Variants in CARS1 observed in about 807,000 individuals in gnomAD.
The protein encoded by CARS1 is cysteine--tRNA ligase, cytoplasmic.
In CARS1, 48 loss-of-function variants were observed where a neutral mutation model predicts 106.2. The ratio of observed to expected loss-of-function variants is 0.45; its 90% CI spans 0.36 to 0.57. The LOEUF is 0.57. Among genes scored for constraint, CARS1 ranks in the 20% least tolerant of loss-of-function variants. CARS1 has a pLI of 0.00. For missense variants in CARS1, 968 were observed against 1,057.2 expected (o/e 0.92, Z 1.17); for synonymous variants, 409 against 403.4 (o/e 1.01, Z -0.17).
chr11:3,047,867 G>A lies in CARS1; in HGVS notation c.160C>T (p.Leu54Phe), dbSNP rs373537547. ...SQADVDAFRQ[L>F]SAPPADPQLF... ...TGGGGGTCAGCGGGCGGGGCCGAGA[G>A]CTGCCTGAACGCGTCCACGTCTGCC... is the stretch of plus-strand genomic sequence containing the variant. The change falls in exon 2 of 23, where the codon CTC (leucine) becomes TTC (phenylalanine). Residue 54 changes from leucine (L) to phenylalanine (F), a missense_variant. Coordinates refer to ENST00000380525, the MANE Select transcript of CARS1 (RefSeq NM_001014437.3). 5.0e-6 allele frequency: 8 copies of A among 1,614,034 alleles called. No homozygotes were observed. Among genetic ancestry groups the A allele is most frequent in the East Asian group, 2.2e-5 (1 of 44,890 alleles).
chr11:3,056,179 T>C (rs1856182653), intron 1 of CARS1, among the ~76,000 whole-genome samples: 1 of 152,178 alleles, frequency 6.6e-6, no homozygotes, highest in Non-Finnish European at 1.5e-5. Flanking sequence ...ACTACCTATC[T>C]ATAACCCAAT....
rs1480425968 is a variant in CARS1 at position 3,046,257 on chromosome 11, G to C, written c.274+1496C>G. 6.6e-6 allele frequency among the ~76,000 whole-genome samples: 1 copy of C among 152,146 alleles called. No homozygotes were observed. Among genetic ancestry groups the C allele is most frequent in the Non-Finnish European group, 1.5e-5 (1 of 68,042 alleles). The stretch of plus-strand genomic sequence containing the variant: ...TGCGTCTGTGCCGCTCTTTCAACAA[G>C]TCCCTATGAGGGAAGCCTGGACAGG... On this transcript the variant is annotated intron_variant, in intron 2 of 22. Transcript: ENST00000380525. This position sits in a 1 kb window ranked among gnomAD's most constrained non-coding sequence, Gnocchi z 5.8.
chr11:3,046,699 C>T lies in CARS1; in HGVS notation c.274+1054G>A, dbSNP rs1855122490. On this transcript the variant is annotated intron_variant, in intron 2 of 22. Transcript: ENST00000380525. This position sits in a 1 kb window ranked among gnomAD's most constrained non-coding sequence, Gnocchi z 5.8. Reference sequence around the variant, plus strand: ...GAAGCCCCCAGAAGGCTGCCAGCTACAGCCAGGACCACCAGAAAACAGCAC... The same window carrying T: ...GAAGCCCCCAGAAGGCTGCCAGCTATAGCCAGGACCACCAGAAAACAGCAC... Among the ~76,000 whole-genome samples, 1 of 152,178 alleles carries T rather than the reference C, an allele frequency of 6.6e-6. No individual in the cohort carries two copies. Among genetic ancestry groups the T allele is most frequent in the Non-Finnish European group, 1.5e-5 (1 of 68,038 alleles).
chr11:3,021,619 T>TA lies in CARS1; in HGVS notation c.1154-1288dup, dbSNP rs1193008177. On this transcript the variant is annotated intron_variant, in intron 10 of 22. Coordinates refer to ENST00000380525, the MANE Select transcript of CARS1 (RefSeq NM_001014437.3). This position sits in a 1 kb window ranked among gnomAD's most constrained non-coding sequence, Gnocchi z 5.3. The stretch of plus-strand genomic sequence containing the variant: ...TACTAAATGTAGAATATTTGAAAGA[T>TA]AAAAAAAGAAAACTAGGAAAAAAAT... Among the ~76,000 whole-genome samples, 4 of 152,216 alleles carry TA rather than the reference T, an allele frequency of 2.6e-5. No individual in the cohort carries two copies. The East Asian group carries it at 7.7e-4, about 29-fold the overall frequency.
In CARS1 at chr11:3,028,725, C is replaced by A; in HGVS notation, c.1031+271G>T. Reference sequence around the variant, plus strand: ...TATTCGCACTCACCATTATGCAGCTCTGGGGCCCCATGACTGATGGTCTTG... The same window carrying A: ...TATTCGCACTCACCATTATGCAGCTATGGGGCCCCATGACTGATGGTCTTG... On this transcript the variant is annotated intron_variant, in intron 9 of 22. Coordinates refer to ENST00000380525, the MANE Select transcript of CARS1 (RefSeq NM_001014437.3). The surrounding 1 kb of genome is among the most constrained non-coding windows in gnomAD (Gnocchi z 4.4). 7.9e-6 allele frequency: 4 copies of A among 507,980 alleles called. No individual in the cohort carries two copies. The South Asian group carries it at 9.7e-5, about 12-fold the overall frequency. The allele number at this position is 507,980 out of a possible 1,614,324, so 31.5% of individuals were successfully genotyped here.
In CARS1 at chr11:3,019,813, G is replaced by A. The variant is rs559266133; in HGVS notation, c.1266+407C>T. 6.6e-6 allele frequency among the ~76,000 whole-genome samples: 1 copy of A among 152,154 alleles called. No homozygotes were observed. The highest frequency in any genetic ancestry group is 1.9e-4 in the East Asian group (1 of 5,180). On this transcript the variant is annotated intron_variant, in intron 11 of 22. Transcript: ENST00000380525. This position sits in a 1 kb window ranked among gnomAD's most constrained non-coding sequence, Gnocchi z 6.2. ...GTTACTGAATTACATCCAGACCTCT[G>A]AGCCCTTGACAGCTGCAGATGGTCA...
At position 3,008,590 on chromosome 11, in the gene CARS1, G is replaced by C. The variant is rs1850131623; in HGVS notation, c.2069-1631C>G. The C allele has an allele frequency of 6.7e-6, 1 of 148,458 alleles. No homozygotes were observed. The allele number at this position is 148,458 out of a possible 1,614,324, so 9.2% of individuals were successfully genotyped here. ...GCCAAGATGACACCACTGCACTCCA[G>C]CCTAGCGACAGGGCAAGACTCCATC... is the stretch of plus-strand genomic sequence containing the variant. On this transcript the variant is annotated intron_variant, in intron 18 of 22. Coordinates refer to ENST00000380525, the MANE Select transcript of CARS1 (RefSeq NM_001014437.3). The surrounding 1 kb of genome is among the most constrained non-coding windows in gnomAD (Gnocchi z 5.1).
intron 18 of CARS1, among the ~76,000 whole-genome samples, chr11:3,010,121 G>T (rs892121870): frequency 1.3e-5 from 2 of 152,212 alleles, no homozygotes; most frequent in Admixed American, 6.5e-5. Context: ...AAGCAAAACC[G>T]AACTACTTCC....
In CARS1 at chr11:3,052,495, ATTAATT is replaced by A. The variant is rs1855799785; in HGVS notation, c.26-4500_26-4495del. Among the ~76,000 whole-genome samples, 1 of 152,140 alleles carries A rather than the reference ATTAATT, an allele frequency of 6.6e-6. No individual in the cohort carries two copies. The highest frequency in any genetic ancestry group is 6.5e-5 in the Admixed American group (1 of 15,272). On this transcript the variant is annotated intron_variant, in intron 1 of 22. Coordinates refer to ENST00000380525, the MANE Select transcript of CARS1 (RefSeq NM_001014437.3). The surrounding 1 kb of genome is among the most constrained non-coding windows in gnomAD (Gnocchi z 4.6). ...GGGCTCACACACCCATTTTTATTTA[ATTAATT>A]TTATTATTTTAAAAGTTTATTACCA...
chr11:3,016,824 G>A (rs1001789168), intron 16 of CARS1, among the ~76,000 whole-genome samples: 1 of 152,148 alleles, frequency 6.6e-6, no homozygotes, highest in East Asian at 1.9e-4. Flanking sequence ...ATGTTGTCCA[G>A]GCTGGTTTTG....
Position 3,017,074 on chromosome 11 carries a change from T to G in CARS1, c.1917+32A>C. 6.3e-7 allele frequency: 1 copy of G among 1,590,744 alleles called. No homozygotes were observed. The highest frequency in any genetic ancestry group is 8.6e-7 in the Non-Finnish European group (1 of 1,162,718). On this transcript the variant is annotated intron_variant, in intron 16 of 22. Transcript: ENST00000380525. The surrounding 1 kb of genome is among the most constrained non-coding windows in gnomAD (Gnocchi z 4.9). ...GCCTGGCTCCTGTGTCCACACAGGC[T>G]GAGGGATACGCCTGCCTGGGGCCTG...
In CARS1 at chr11:3,038,119, A is replaced by T; in HGVS notation, c.732T>A (p.Leu244=). The T allele has an allele frequency of 6.2e-7, 1 of 1,614,206 alleles. No homozygotes were observed. The highest frequency in any genetic ancestry group is 8.5e-7 in the Non-Finnish European group (1 of 1,180,010). ...MLERIQHAVQ[L]ATEPLEKAVQ... is the part of the protein sequence containing the mutation. Reference sequence around the variant, plus strand: ...CAGCTTTCTCAAGTGGCTCTGTGGCAAGCTGCACTGCGTGCTGAATCCGTT... The same window carrying T: ...CAGCTTTCTCAAGTGGCTCTGTGGCTAGCTGCACTGCGTGCTGAATCCGTT... The change falls in exon 7 of 23, where the codon CTT becomes CTA. Residue 244 remains leucine (L), a synonymous_variant. Coordinates refer to ENST00000380525, the MANE Select transcript of CARS1 (RefSeq NM_001014437.3). The surrounding 1 kb of genome is among the most constrained non-coding windows in gnomAD (Gnocchi z 4.0).
intron 12 of CARS1, 65 bp from the exon 13 acceptor site, chr11:3,018,814 C>T: frequency 6.4e-7 from 1 of 1,564,792 alleles, no homozygotes; most frequent in South Asian, 1.2e-5. Flanking sequence ...CTGCCACCTG[C>T]ACTGTCTGCT....
rs1855027047 is a variant in CARS1 at position 3,045,872 on chromosome 11, G to C, written c.274+1881C>G. On this transcript the variant is annotated intron_variant, in intron 2 of 22. Transcript: ENST00000380525. The surrounding 1 kb of genome is among the most constrained non-coding windows in gnomAD (Gnocchi z 5.6). ...CAGCTACTGTCATCCCAGGGACATG[G>C]GCGAGGACACTACACTGGACTCCAT... 6.6e-6 allele frequency among the ~76,000 whole-genome samples: 1 copy of C among 152,188 alleles called. No individual in the cohort carries two copies. The highest frequency in any genetic ancestry group is 1.5e-5 in the Non-Finnish European group (1 of 68,022).
rs1855356980 is a variant in CARS1, at chr11:3,048,673, T to C, written c.26-672A>G. Among the ~76,000 whole-genome samples, 1 of 152,110 alleles carries C rather than the reference T, an allele frequency of 6.6e-6. No homozygotes were observed. The highest frequency in any genetic ancestry group is 1.5e-5 in the Non-Finnish European group (1 of 68,008). On this transcript the variant is annotated intron_variant, in intron 1 of 22. Coordinates refer to ENST00000380525, the MANE Select transcript of CARS1 (RefSeq NM_001014437.3). This position sits in a 1 kb window ranked among gnomAD's most constrained non-coding sequence, Gnocchi z 5.1. ...AACCCCACATTGACAATGTGTGCCA[T>C]TTACACCCCTGCACCAAGAGACAGC...
rs1410431813 is a variant in CARS1, at chr11:3,048,826, C to T, written c.26-825G>A. Among the ~76,000 whole-genome samples the T allele has an allele frequency of 6.6e-6, 1 of 152,206 alleles. No homozygotes were observed. Among genetic ancestry groups the T allele is most frequent in the Non-Finnish European group, 1.5e-5 (1 of 68,036 alleles). On this transcript the variant is annotated intron_variant, in intron 1 of 22. Transcript: ENST00000380525. The surrounding 1 kb of genome is among the most constrained non-coding windows in gnomAD (Gnocchi z 5.1). The stretch of plus-strand genomic sequence containing the variant: ...GGCTGCTCCAGCCAGCCTCACCTGG[C>T]CCCTGGCCCCTGGCCCCAGGCCCCA...
In CARS1 at chr11:3,021,055, C is replaced by T. The variant is rs1190911546; in HGVS notation, c.1154-723G>A. ...CCTTGCCAGAGGGATGAGAAATAAC[C>T]CCTTGGTGAATTCCATGCATTGACT... On this transcript the variant is annotated intron_variant, in intron 10 of 22. Coordinates refer to ENST00000380525, the MANE Select transcript of CARS1 (RefSeq NM_001014437.3). The surrounding 1 kb of genome is among the most constrained non-coding windows in gnomAD (Gnocchi z 5.3). 1.3e-5 allele frequency among the ~76,000 whole-genome samples: 2 copies of T among 152,112 alleles called. No individual in the cohort carries two copies. Among genetic ancestry groups the T allele is most frequent in the Admixed American group, 6.5e-5 (1 of 15,274 alleles).
chr11:3,002,491 G>A (rs374179132), intron 21 of CARS1, 50 bp downstream of exon 21: 6 of 1,609,188 alleles, frequency 3.7e-6, no homozygotes, highest in Non-Finnish European at 5.1e-6. Flanking sequence ...CATGGGGTCA[G>A]GGTGCACTCC....
Position 3,020,241 on chromosome 11 carries a change from G to A in CARS1, c.1245C>T (p.Ser415=). ...TCACCTTTCCCCAAGGGCACGGCCA[G>A]GACGGTTCTCCGGGCTTAGAGGCCT... ...LWKASKPGEP[S]WPCPWGKGRP... Residue 415 remains serine (S), a synonymous_variant, in exon 11 of 23, where the codon TCC becomes TCT. Transcript: ENST00000380525. This position sits in a 1 kb window ranked among gnomAD's most constrained non-coding sequence, Gnocchi z 4.6. 1 of 1,610,922 alleles carries A rather than the reference G, an allele frequency of 6.2e-7. No homozygotes were observed. Among genetic ancestry groups the A allele is most frequent in the East Asian group, 2.2e-5 (1 of 44,864 alleles).
Sources: gnomAD v4.1 joint callset for allele counts (sites outside exome capture counted in the v4.1 genomes callset) on GRCh38, gnomAD v4.1.1 for gene constraint, Gnocchi (gnomAD v3.1) non-coding constraint, MANE v1.5 for transcripts, NCBI Gene and HGNC (gene_info 2026-07-23, HGNC 2026-07-21) for gene names.